The following UVRAG variants were observed in gnomAD, a reference collection of about 807,000 sequenced individuals.
The protein encoded by UVRAG is UV radiation resistance-associated gene protein.
In UVRAG, 19 loss-of-function variants were observed where a neutral mutation model predicts 78.0. The observed-to-expected ratio is 0.24, with a 90% CI of 0.17 to 0.36. The LOEUF (loss-of-function observed/expected upper bound fraction) is 0.36. UVRAG is among the 10% of genes least tolerant of loss of function. UVRAG has a pLI of 1.00. For synonymous variants in UVRAG, 323 were observed against 324.6 expected (o/e 1.00, Z 0.05); for missense variants, 740 against 853.8 (o/e 0.87, Z 1.66).
intron 3 of UVRAG, among the ~76,000 whole-genome samples, chr11:75,864,130 A>G (rs1946485639): frequency 6.7e-6 from 1 of 150,010 alleles, no homozygotes; most frequent in Non-Finnish European, 1.5e-5. Flanking sequence ...ATCTCAGCTC[A>G]CTGCAACCTC....
chr11:76,010,453 T>G (rs949082149), intron 11 of UVRAG, among the ~76,000 whole-genome samples: 1 of 151,902 alleles, frequency 6.6e-6, no homozygotes, highest in Non-Finnish European at 1.5e-5. Flanking sequence ...TAAGGAGAAA[T>G]ATAAAATTGA....
At chr11:75,853,760 GTTTA>G (rs112630243) in intron 2 of UVRAG, among the ~76,000 whole-genome samples, 11,499 of 146,656 alleles carry the variant, frequency 0.078, 1,436 homozygotes, top group African/African-American at 0.26. Flanking sequence ...TTATTTATTT[GTTTA>G]TTTATTTATT....
intron 2 of UVRAG, among the ~76,000 whole-genome samples, chr11:75,860,754 A>G (rs1221900219): frequency 3.3e-5 from 5 of 152,182 alleles, no homozygotes; most frequent in South Asian, 2.1e-4. Flanking sequence ...ATCAAAGTCA[A>G]ATTGTTCTTT....
At chr11:76,055,356 CTTA>C (rs925171546) in intron 12 of UVRAG, among the ~76,000 whole-genome samples, 7 of 152,128 alleles carry the variant, frequency 4.6e-5, no homozygotes. Flanking sequence ...CTGTTTTTCT[CTTA>C]TTATTTACTA....
At position 76,115,981 on chromosome 11, in the gene UVRAG, A is replaced by G; in HGVS notation, c.1363A>G (p.Lys455Glu). 1 of 1,613,948 alleles carries G rather than the reference A, an allele frequency of 6.2e-7. No homozygotes were observed. The highest frequency in any genetic ancestry group is 8.5e-7 in the Non-Finnish European group (1 of 1,179,864). ...PDLRQTLPNL[K>E]NFMEHGLMVR... is the part of the protein sequence containing the mutation. Reference sequence around the variant, plus strand: ...CTTGCGGCAAACCCTTCCCAACCTGAAAAACTTCATGGAGCATGGACTAAT... The same window carrying G: ...CTTGCGGCAAACCCTTCCCAACCTGGAAAACTTCATGGAGCATGGACTAAT... Residue 455 changes from lysine to glutamate, a missense_variant, in exon 14 of 15, where the codon AAA (lysine) becomes GAA (glutamate). Lys to Glu is a moderately conservative substitution (Grantham distance 56, BLOSUM62 1). Transcript: ENST00000356136.
At chr11:76,014,679 C>T (rs901441563) in intron 11 of UVRAG, among the ~76,000 whole-genome samples, 1 of 152,340 alleles carries the variant, frequency 6.6e-6, no homozygotes, top group South Asian at 2.1e-4. Flanking sequence ...CTTCATCACT[C>T]ATAGTTTCTA....
chr11:76,045,579 C>G (rs1400877560), intron 12 of UVRAG, among the ~76,000 whole-genome samples: 1 of 149,838 alleles, frequency 6.7e-6, no homozygotes, highest in African/African-American at 2.5e-5. Context: ...GTACTATGTC[C>G]AAGAACAAAA....
chr11:76,074,958 C>A (rs1483030272), intron 13 of UVRAG, among the ~76,000 whole-genome samples: 1 of 152,162 alleles, frequency 6.6e-6, no homozygotes, highest in Non-Finnish European at 1.5e-5. Flanking sequence ...CAGCTGGGAA[C>A]CCCTGTTCTG....
At chr11:75,822,711 G>A (rs1347640409) in intron 1 of UVRAG, among the ~76,000 whole-genome samples, 1 of 150,920 alleles carries the variant, frequency 6.6e-6, no homozygotes, top group Non-Finnish European at 1.5e-5. Context: ...ATACAGACGA[G>A]CAGCCAGATG....
At chr11:75,856,755 A>G (rs1437295023) in intron 2 of UVRAG, among the ~76,000 whole-genome samples, 1 of 152,180 alleles carries the variant, frequency 6.6e-6, no homozygotes, top group Non-Finnish European at 1.5e-5. Context: ...CAAGTCTTCA[A>G]GTTTTAAATG....
At chr11:75,841,169 A>T (rs1229016019) in intron 1 of UVRAG, among the ~76,000 whole-genome samples, 1 of 152,194 alleles carries the variant, frequency 6.6e-6, no homozygotes, top group Non-Finnish European at 1.5e-5. Context: ...AAAGAAATGG[A>T]ACCAGGAGTT....
At chr11:75,844,177 A>T (rs1369307232) in intron 1 of UVRAG, among the ~76,000 whole-genome samples, 3 of 152,112 alleles carry the variant, frequency 2.0e-5, no homozygotes, top group Non-Finnish European at 2.9e-5. Flanking sequence ...AAAACAAAAT[A>T]AAAAAGTTGT....
rs1565127991 is a variant in UVRAG at position 76,031,091 on chromosome 11, A to C, written c.1226+14111A>C. Reference sequence around the variant, plus strand: ...TCAGTTTTTGCAAATTCTATTAGGTAATCTGACACTCTACTCTGTGACCCA... The same window carrying C: ...TCAGTTTTTGCAAATTCTATTAGGTCATCTGACACTCTACTCTGTGACCCA... On this transcript the variant is annotated intron_variant, in intron 12 of 14. Coordinates refer to ENST00000356136, the MANE Select transcript of UVRAG (RefSeq NM_003369.4). Among the ~76,000 whole-genome samples, 4 of 152,276 alleles carry C rather than the reference A, an allele frequency of 2.6e-5. No individual in the cohort carries two copies. The South Asian group carries it at 8.3e-4, about 32-fold the overall frequency.
intron 13 of UVRAG, among the ~76,000 whole-genome samples, chr11:76,092,283 T>G (rs1951713902): frequency 6.6e-6 from 1 of 152,220 alleles, no homozygotes; most frequent in Non-Finnish European, 1.5e-5. Context: ...TTGTGAATAG[T>G]GCCGCAGTAA....
At chr11:76,054,949 T>C (rs1262035135) in intron 12 of UVRAG, among the ~76,000 whole-genome samples, 1 of 152,242 alleles carries the variant, frequency 6.6e-6, no homozygotes, top group Non-Finnish European at 1.5e-5. Flanking sequence ...AGTAAATCAT[T>C]TATTGATTGA....
intron 2 of UVRAG, 77 bp from the exon 3 acceptor site, chr11:75,861,669 A>G (rs1946424930): frequency 9.5e-7 from 1 of 1,057,564 alleles, no homozygotes; most frequent in Non-Finnish European, 1.4e-6. Context: ...TATGTTAAAA[A>G]AATTAGAGGA....
intron 14 of UVRAG, among the ~76,000 whole-genome samples, chr11:76,131,930 AT>A (rs1196618400): frequency 6.6e-6 from 1 of 152,188 alleles, no homozygotes; most frequent in Non-Finnish European, 1.5e-5. Flanking sequence ...CCTTTGCTGA[AT>A]TTTGAAAAAA....
At chr11:76,140,524 A>G (rs550357913) in intron 14 of UVRAG, among the ~76,000 whole-genome samples, 187 bp from the exon 15 acceptor site, 11 of 152,258 alleles carry the variant, frequency 7.2e-5, no homozygotes, top group African/African-American at 2.2e-4. Context: ...GGAAGCTCCC[A>G]AAGTTGGACC....
intron 5 of UVRAG, among the ~76,000 whole-genome samples, chr11:75,906,393 C>G (rs1260567125): frequency 1.3e-5 from 2 of 152,038 alleles, no homozygotes; most frequent in Non-Finnish European, 2.9e-5. Flanking sequence ...GTTGCCCAGG[C>G]TGGAGTGCAG....
Sources: gnomAD v4.1 joint callset for allele counts (sites outside exome capture counted in the v4.1 genomes callset) on GRCh38, gnomAD v4.1.1 for gene constraint, MANE v1.5 for transcripts, NCBI Gene and HGNC (gene_info 2026-07-23, HGNC 2026-07-21) for gene names.